The following MC2R variants were observed in gnomAD, a reference collection of about 807,000 sequenced individuals.
MC2R encodes adrenocorticotropic hormone receptor.
MC2R carries 9 observed loss-of-function variants against 9.8 expected under a neutral mutation model. That is an observed-to-expected ratio of 0.92 (90% CI 0.55 to 1.60). The LOEUF (loss-of-function observed/expected upper bound fraction) is 1.60, where lower values mean the gene tolerates loss of function less well. Ranked by LOEUF, MC2R falls within the 40% of genes most tolerant of loss-of-function variation. The pLI is 0.00. For missense variants in MC2R, 370 were observed against 389.0 expected, an observed-to-expected ratio of 0.95 and a Z score of 0.41; for synonymous variants, 185 against 154.7, an observed-to-expected ratio of 1.20 and a Z score of -1.45.
intron 1 of MC2R, among the ~76,000 whole-genome samples, chr18:13,894,868 T>G (rs960764045): frequency 2.6e-5 from 4 of 152,262 alleles, no homozygotes; most frequent in Admixed American, 1.3e-4. Context: ...ATCAAATGTT[T>G]TGAAGGTCTC....
chr18:13,896,228 C>T (rs2045345545), intron 1 of MC2R, among the ~76,000 whole-genome samples: 1 of 152,134 alleles, frequency 6.6e-6, no homozygotes, highest in Non-Finnish European at 1.5e-5. Flanking sequence ...AAAATTTTTA[C>T]TAATGTCAGA....
intron 1 of MC2R, among the ~76,000 whole-genome samples, chr18:13,894,811 G>A (rs2045336982): frequency 6.6e-6 from 1 of 152,034 alleles, no homozygotes; most frequent in Non-Finnish European, 1.5e-5. Flanking sequence ...TGAACTTTTC[G>A]AATCTTTCCT....
chr18:13,893,886 G>A (rs1961264434), intron 1 of MC2R, among the ~76,000 whole-genome samples: 1 of 152,210 alleles, frequency 6.6e-6, no homozygotes, highest in African/African-American at 2.4e-5. Flanking sequence ...CTCTGTTATG[G>A]AAAGGAGCTG....
At chr18:13,913,902 C>G (rs1274742390) in intron 1 of MC2R, among the ~76,000 whole-genome samples, 1 of 152,196 alleles carries the variant, frequency 6.6e-6, no homozygotes, top group African/African-American at 2.4e-5. Flanking sequence ...ATGTCTGAGG[C>G]TGAGCCCTGC....
intron 1 of MC2R, among the ~76,000 whole-genome samples, chr18:13,907,912 C>A (rs1031635901): frequency 5.3e-5 from 8 of 152,086 alleles, no homozygotes; most frequent in African/African-American, 9.7e-5. Context: ...GAAAGAGGAA[C>A]CCCCGTACAC....
At chr18:13,911,850 G>A (rs1598470194) in intron 1 of MC2R, among the ~76,000 whole-genome samples, 1 of 152,172 alleles carries the variant, frequency 6.6e-6, no homozygotes, top group Non-Finnish European at 1.5e-5. Flanking sequence ...TCCAATTTTA[G>A]GTTATATGTC....
intron 1 of MC2R, among the ~76,000 whole-genome samples, chr18:13,897,861 A>G (rs1201361435): frequency 6.6e-6 from 1 of 152,036 alleles, no homozygotes; most frequent in East Asian, 1.9e-4. Flanking sequence ...GCCCTGAGCA[A>G]CAACCAGCAA....
intron 1 of MC2R, among the ~76,000 whole-genome samples, chr18:13,907,410 A>T (rs1190945676): frequency 2.0e-5 from 3 of 152,238 alleles, no homozygotes; most frequent in Non-Finnish European, 4.4e-5. Flanking sequence ...ACCCGAAACT[A>T]TGAAACTACT....
At chr18:13,903,291 T>C (rs761623022) in intron 1 of MC2R, among the ~76,000 whole-genome samples, 8 of 152,156 alleles carry the variant, frequency 5.3e-5, no homozygotes, top group Non-Finnish European at 1.0e-4. Flanking sequence ...TGGAGATTCC[T>C]TGAAAAATTA....
chr18:13,883,648 CTCTCTCTCTG>C lies in MC2R; in HGVS notation c.*967_*976del, dbSNP rs1340991895. The C allele has an allele frequency of 4.0e-5, 6 of 151,820 alleles. No homozygotes were observed. The highest frequency in any genetic ancestry group is 1.5e-4 in the African/African-American group (6 of 41,204). 9.4% of individuals were successfully genotyped at this position (151,820 alleles called of 1,614,324 possible). On this transcript the variant is annotated 3_prime_UTR_variant, in exon 2 of 2. Transcript: ENST00000327606. ...ACACACTCTCTCTCTCTCTCTCTCT[CTCTCTCTCTG>C]TCTGTCTCTGTCTCTCTCTCTTTAT...
intron 1 of MC2R, among the ~76,000 whole-genome samples, chr18:13,896,724 C>T (rs1237844297): frequency 6.6e-6 from 1 of 152,174 alleles, no homozygotes; most frequent in East Asian, 1.9e-4. Context: ...GACCTAAAAA[C>T]ATGACTGATT....
At position 13,885,052 on chromosome 18, in the gene MC2R, G is replaced by T. The variant is rs150765794; in HGVS notation, c.467C>A (p.Thr156Lys). The T allele has an allele frequency of 1.9e-6, 3 of 1,614,178 alleles. No homozygotes were observed. The highest frequency in any genetic ancestry group is 2.2e-5 in the East Asian group (1 of 44,876). The stretch of plus-strand genomic sequence containing the variant: ...GGTGATGCCAGTCCCCGTGCAGAAC[G>T]TCCAGATGACCGTAAGCACCACCAC... Reference protein sequence around the residue: ...RTVVVLTVIWTFCTGTGITMV... With the variant: ...RTVVVLTVIWKFCTGTGITMV... Residue 156 changes from threonine (T) to lysine (K), a missense_variant, in exon 2 of 2, where the codon ACG becomes AAG. Thr to Lys is a moderately conservative substitution (Grantham distance 78, BLOSUM62 -1). Transcript: ENST00000327606.
At chr18:13,892,846 A>C (rs948055006) in intron 1 of MC2R, among the ~76,000 whole-genome samples, 5 of 142,398 alleles carry the variant, frequency 3.5e-5, no homozygotes, top group African/African-American at 1.3e-4. Flanking sequence ...ACACACACAC[A>C]CCACACACAC....
At chr18:13,894,584 T>G (rs2045335858) in intron 1 of MC2R, among the ~76,000 whole-genome samples, 1 of 152,246 alleles carries the variant, frequency 6.6e-6, no homozygotes, top group African/African-American at 2.4e-5. Flanking sequence ...AAGGAAATTA[T>G]TCTTCAATTA....
At chr18:13,895,886 C>A (rs1555620264) in intron 1 of MC2R, among the ~76,000 whole-genome samples, 1 of 152,176 alleles carries the variant, frequency 6.6e-6, no homozygotes, top group Non-Finnish European at 1.5e-5. Context: ...AGTAGTAGAT[C>A]AGATACCAGA....
intron 1 of MC2R, among the ~76,000 whole-genome samples, chr18:13,896,139 G>A (rs1400952614): frequency 6.6e-6 from 1 of 152,162 alleles, no homozygotes; most frequent in African/African-American, 2.4e-5. Flanking sequence ...TAAAAAGCAC[G>A]ATGTTGTTCT....
At position 13,898,446 on chromosome 18, in the gene MC2R, A is replaced by T. The variant is rs144625321; in HGVS notation, c.-128-12800T>A. The stretch of plus-strand genomic sequence containing the variant: ...CTGAACCTAACCAGGACCTGGGGGA[A>T]CTTCCTGCCCTGAAAGGAAAGACAC... On this transcript the variant is annotated intron_variant, in intron 1 of 1. Transcript: ENST00000327606. Among the ~76,000 whole-genome samples, 184 of 152,346 alleles carry T rather than the reference A, an allele frequency of 1.2e-3. 4 individuals are homozygous for T. The Middle Eastern group carries it at 0.017, about 14-fold the overall frequency.
chr18:13,887,782 C>T (rs534454305), intron 1 of MC2R, among the ~76,000 whole-genome samples: 5 of 152,252 alleles, frequency 3.3e-5, no homozygotes, highest in African/African-American at 1.2e-4. Flanking sequence ...GTGTGAGCTC[C>T]TCTTAGGTCT....
Position 13,884,511 on chromosome 18 carries a change from C to G in MC2R, c.*114G>C. On this transcript the variant is annotated 3_prime_UTR_variant, in exon 2 of 2. Transcript: ENST00000327606. ...ACACTAGCTGGTGGGATCATCCTTG[C>G]ATCCATTAGGGAAGGAAGGCCAGTG... 8.6e-7 allele frequency: 1 copy of G among 1,158,810 alleles called. No homozygotes were observed. Among genetic ancestry groups the G allele is most frequent in the Non-Finnish European group, 1.3e-6 (1 of 782,024 alleles). 71.8% of individuals were successfully genotyped at this position (1,158,810 alleles called of 1,614,324 possible).
Sources: gnomAD v4.1 joint callset for allele counts (sites outside exome capture counted in the v4.1 genomes callset) on GRCh38, gnomAD v4.1.1 for gene constraint, MANE v1.5 for transcripts, NCBI Gene and HGNC (gene_info 2026-07-23, HGNC 2026-07-21) for gene names.